CFAP299: variants seen among roughly 807,000 people sequenced by gnomAD.
The protein encoded by CFAP299 is cilia- and flagella-associated protein 299.
Under a neutral mutation model 27.0 loss-of-function variants are expected in CFAP299, and 21 were observed. The observed-to-expected ratio is 0.78, with a 90% confidence interval of 0.55 to 1.12. The LOEUF (loss-of-function observed/expected upper bound fraction) is 1.12, where lower values mean the gene tolerates loss of function less well. Ranked by LOEUF, CFAP299 falls within the 50% of genes most tolerant of loss-of-function variation. CFAP299 has a pLI of 0.00. For synonymous variants in CFAP299, 104 were observed against 98.1 expected, an observed-to-expected ratio of 1.06 and a Z score of -0.36; for missense variants, 310 against 276.6, an observed-to-expected ratio of 1.12 and a Z score of -0.86.
chr4:80,799,597 T>C (rs1319045008), intron 3 of CFAP299, among the ~76,000 whole-genome samples: 1 of 53,848 alleles, frequency 1.9e-5, no homozygotes, highest in Non-Finnish European at 3.0e-5. Context: ...TTATATAAAA[T>C]ATATATTTTA....
intron 3 of CFAP299, among the ~76,000 whole-genome samples, chr4:80,754,855 T>C (rs1318699505): frequency 6.6e-6 from 1 of 152,150 alleles, no homozygotes; most frequent in East Asian, 1.9e-4. Flanking sequence ...TTCATGTTAG[T>C]TACTTGGTTT....
chr4:80,660,342 A>G (rs1406786436), intron 3 of CFAP299, among the ~76,000 whole-genome samples: 1 of 152,198 alleles, frequency 6.6e-6, no homozygotes, highest in Non-Finnish European at 1.5e-5. Flanking sequence ...AGAAAACATA[A>G]TGTCACTTGA....
At chr4:80,860,178 T>A (rs1463117037) in intron 3 of CFAP299, among the ~76,000 whole-genome samples, 1 of 152,348 alleles carries the variant, frequency 6.6e-6, no homozygotes, top group East Asian at 1.9e-4. Flanking sequence ...CCATCGCTGA[T>A]ACCCTTTCTT....
At chr4:80,772,366 T>G (rs1442068603) in intron 3 of CFAP299, among the ~76,000 whole-genome samples, 1 of 152,092 alleles carries the variant, frequency 6.6e-6, no homozygotes, top group Admixed American at 6.6e-5. Flanking sequence ...TGACTGACCA[T>G]AGAGGACACA....
At chr4:80,336,174 C>T (rs1321246439) in intron 1 of CFAP299, among the ~76,000 whole-genome samples, 3 of 152,232 alleles carry the variant, frequency 2.0e-5, no homozygotes, top group Non-Finnish European at 4.4e-5. Flanking sequence ...CTGCCTCCTC[C>T]CAGCCCACTC....
In CFAP299 at chr4:80,455,211, G is replaced by A. The variant is rs186751208; in HGVS notation, c.242+92327G>A. 1.1e-3 allele frequency among the ~76,000 whole-genome samples: 173 copies of A among 152,270 alleles called. 1 individual carries two copies. The highest frequency in any genetic ancestry group is 4.0e-3 in the African/African-American group (166 of 41,564). ...CCAGGCAAGAAGGGGGTTTGTTTCAGGAAAGGGCTCTTATCATTTTTGTTT... is the reference window on the plus strand; with the variant it reads ...CCAGGCAAGAAGGGGGTTTGTTTCAAGAAAGGGCTCTTATCATTTTTGTTT... On this transcript the variant is annotated intron_variant, in intron 2 of 5. Coordinates refer to ENST00000358105, the MANE Select transcript of CFAP299 (RefSeq NM_152770.3).
intron 1 of CFAP299, among the ~76,000 whole-genome samples, chr4:80,341,131 T>C (rs1722428687): frequency 6.6e-6 from 1 of 152,154 alleles, no homozygotes; most frequent in Non-Finnish European, 1.5e-5. Flanking sequence ...GGCAGGGGCC[T>C]CCCTGCAGGA....
intron 3 of CFAP299, among the ~76,000 whole-genome samples, chr4:80,748,953 A>G (rs1259009381): frequency 6.6e-6 from 1 of 152,230 alleles, no homozygotes; most frequent in African/African-American, 2.4e-5. Flanking sequence ...ATACAACAGT[A>G]TGAATACCAT....
At chr4:80,894,460 T>C (rs1392780513) in intron 4 of CFAP299, among the ~76,000 whole-genome samples, 1 of 152,028 alleles carries the variant, frequency 6.6e-6, no homozygotes, top group Non-Finnish European at 1.5e-5. Context: ...AAGTTAACCA[T>C]TACTGCCAAT....
chr4:80,453,946 T>A (rs1188759768), intron 2 of CFAP299, among the ~76,000 whole-genome samples: 1 of 151,804 alleles, frequency 6.6e-6, no homozygotes, highest in Non-Finnish European at 1.5e-5. Flanking sequence ...TTTAGCTTTA[T>A]AGTTGCTTTA....
intron 4 of CFAP299, among the ~76,000 whole-genome samples, chr4:80,905,947 C>T (rs1735162085): frequency 6.6e-6 from 1 of 152,102 alleles, no homozygotes; most frequent in Admixed American, 6.6e-5. Context: ...CATTTCAAAA[C>T]ACAATCATGC....
intron 3 of CFAP299, among the ~76,000 whole-genome samples, chr4:80,795,479 C>A (rs1227574240): frequency 6.6e-6 from 1 of 151,998 alleles, no homozygotes; most frequent in African/African-American, 2.4e-5. Context: ...TTGTGCAGAA[C>A]CATCTGTGAA....
At chr4:80,340,174 G>C (rs573854186) in intron 1 of CFAP299, among the ~76,000 whole-genome samples, 1 of 152,170 alleles carries the variant, frequency 6.6e-6, no homozygotes, top group East Asian at 1.9e-4. Flanking sequence ...TCGACCCATG[G>C]ATAATGAAGA....
At chr4:80,894,951 T>TA (rs1243277910) in intron 4 of CFAP299, among the ~76,000 whole-genome samples, 1 of 151,900 alleles carries the variant, frequency 6.6e-6, no homozygotes, top group Non-Finnish European at 1.5e-5. Context: ...ATGTGGAATC[T>TA]AAAAAAATCT....
intron 3 of CFAP299, among the ~76,000 whole-genome samples, chr4:80,861,430 A>G (rs952156424): frequency 6.6e-6 from 1 of 152,104 alleles, no homozygotes; most frequent in African/African-American, 2.4e-5. Context: ...ACCTGTGCCC[A>G]CTGTCTGGCA....
chr4:80,606,745 T>G (rs1440985350), intron 3 of CFAP299, among the ~76,000 whole-genome samples: 1 of 152,218 alleles, frequency 6.6e-6, no homozygotes, highest in Non-Finnish European at 1.5e-5. Flanking sequence ...CAAATGTGCT[T>G]CAGTCTTTTT....
intron 2 of CFAP299, among the ~76,000 whole-genome samples, chr4:80,568,154 G>T (rs1398944939): frequency 6.6e-6 from 1 of 151,742 alleles, no homozygotes; most frequent in Non-Finnish European, 1.5e-5. Flanking sequence ...ATGAGTGTGT[G>T]TTATTCTGAT....
At chr4:80,633,986 T>TC in intron 3 of CFAP299, among the ~76,000 whole-genome samples, 1 of 148,672 alleles carries the variant, frequency 6.7e-6, no homozygotes, top group East Asian at 2.0e-4. Context: ...AGAAAACTTT[T>TC]TTTTTTTTTT....
intron 3 of CFAP299, among the ~76,000 whole-genome samples, chr4:80,807,224 A>T (rs1728909336): frequency 6.6e-6 from 1 of 152,212 alleles, no homozygotes; most frequent in African/African-American, 2.4e-5. Context: ...GGTGATAAAT[A>T]CAGTACACTT....
Sources: allele counts gnomAD v4.1 joint callset (sites outside exome capture counted in the v4.1 genomes callset), GRCh38; gene constraint gnomAD v4.1.1; transcripts MANE v1.5; gene names NCBI Gene and HGNC (gene_info 2026-07-23, HGNC 2026-07-21).